Variants in NOS2 observed in about 807,000 individuals in gnomAD.
The protein encoded by NOS2 is nitric oxide synthase, inducible.
A neutral mutation model predicts 136.0 loss-of-function variants in NOS2; 96 were observed. That is an observed-to-expected ratio of 0.71 (90% CI 0.60 to 0.84). The LOEUF (loss-of-function observed/expected upper bound fraction) is 0.84, where lower values mean the gene tolerates loss of function less well. Among genes scored for constraint, NOS2 ranks in the 40% least tolerant of loss-of-function variants. The pLI is 0.00. For missense variants in NOS2, 1,237 were observed against 1,496.9 expected (o/e 0.83, Z 2.87); for synonymous variants, 539 against 587.5 (o/e 0.92, Z 1.20).
chr17:27,759,837 C>T (rs1362119435), intron 25 of NOS2, among the ~76,000 whole-genome samples, 193 bp downstream of exon 25: 1 of 152,178 alleles, frequency 6.6e-6, no homozygotes, highest in Non-Finnish European at 1.5e-5. Context: ...AGTCCTGAAC[C>T]TCTCCAGGTC....
chr17:27,788,699 A>G (rs1042750786), intron 4 of NOS2, 110 bp downstream of exon 4: 151 of 1,389,500 alleles, frequency 1.1e-4, no homozygotes, highest in Non-Finnish European at 1.8e-5. Context: ...CCCTTTGCCC[A>G]AGCAGATGAT....
chr17:27,782,024 C>T lies in NOS2; in HGVS notation c.713G>A (p.Gly238Asp), dbSNP rs1204812586. The T allele has an allele frequency of 6.2e-7, 1 of 1,614,028 alleles. No homozygotes were observed. Among genetic ancestry groups the T allele is most frequent in the Non-Finnish European group, 8.5e-7 (1 of 1,179,934 alleles). The change falls in exon 7 of 27, where the codon GGC (glycine) becomes GAC (aspartate). Residue 238 changes from glycine (G) to aspartate (D), a missense_variant. This residue lies in a region of NOS2 where 440 missense variants were observed against 545.4 expected (regional missense o/e 0.81). Coordinates refer to ENST00000313735, the MANE Select transcript of NOS2 (RefSeq NM_000625.4). ...CRHVRYSTNN[G>D]NIRSAITVFP... ...GGAAATGTGCACCGACCTGATGTTGCCATTGTTGGTGGAGTAACGCACGTG... is the reference window on the plus strand; with the variant it reads ...GGAAATGTGCACCGACCTGATGTTGTCATTGTTGGTGGAGTAACGCACGTG...
In NOS2 at chr17:27,798,682, C is replaced by G; in HGVS notation, c.110+18G>C. ...TGCCCAAGGAGACAAGCAGGAGGTT[C>G]CCCCAGGGAAAACTCACCTGGAGGT... On this transcript the variant is annotated intron_variant, in intron 2 of 26. Transcript: ENST00000313735. 6 of 1,517,052 alleles carry G rather than the reference C, an allele frequency of 4.0e-6. No homozygotes were observed. The highest frequency in any genetic ancestry group is 5.5e-6 in the Non-Finnish European group (6 of 1,091,498). The allele number at this position is 1,517,052 out of a possible 1,614,324, so 94.0% of individuals were successfully genotyped here.
chr17:27,787,961 A>C, intron 4 of NOS2, 135 bp from the exon 5 acceptor site: 1 of 861,278 alleles, frequency 1.2e-6, no homozygotes, highest in Non-Finnish European at 1.7e-6. Context: ...CCCCTGTGGC[A>C]CCTCCTCCTT....
At chr17:27,774,167 C>A in intron 12 of NOS2, 90 bp downstream of exon 12, 1 of 1,005,174 alleles carries the variant, frequency 9.9e-7, no homozygotes, top group Non-Finnish European at 1.3e-6. Flanking sequence ...CCGTCGTGCC[C>A]TACATGTGTA....
chr17:27,798,628 C>T (rs1909430769), intron 2 of NOS2, 72 bp downstream of exon 2: 4 of 892,552 alleles, frequency 4.5e-6, no homozygotes, highest in Non-Finnish European at 1.9e-6. Context: ...GAGAGGAATT[C>T]TGAGTCATCG....
chr17:27,781,581 G>GT (rs1908850914), intron 7 of NOS2, among the ~76,000 whole-genome samples: 1 of 152,202 alleles, frequency 6.6e-6, no homozygotes, highest in African/African-American at 2.4e-5. Context: ...CCTGTGTTGA[G>GT]TTGCATTAGG....
At chr17:27,795,649 T>C (rs557619270) in intron 2 of NOS2, among the ~76,000 whole-genome samples, 2 of 152,354 alleles carry the variant, frequency 1.3e-5, no homozygotes, top group South Asian at 2.1e-4. Flanking sequence ...TTGCTAATTA[T>C]GAGATCTTGA....
At chr17:27,798,630 G>T in intron 2 of NOS2, 70 bp downstream of exon 2, 1 of 900,902 alleles carries the variant, frequency 1.1e-6, no homozygotes, top group Non-Finnish European at 1.9e-6. Flanking sequence ...GAGGAATTCT[G>T]AGTCATCGGT....
At chr17:27,759,511 C>T (rs893039162) in intron 25 of NOS2, among the ~76,000 whole-genome samples, 15 of 152,166 alleles carry the variant, frequency 9.9e-5, no homozygotes, top group Non-Finnish European at 1.6e-4. Context: ...GGACTCTCTG[C>T]TCCTGCTCCA....
Position 27,785,425 on chromosome 17 carries a change from C to T in NOS2, c.467+2253G>A, listed in dbSNP as rs558317474. ...AGCAGGCAGCCCCTAACAGGCTGCT[C>T]AATCCAGGCTGTGCATTAGAATCAC... On this transcript the variant is annotated intron_variant, in intron 5 of 26. Transcript: ENST00000313735. 2.0e-5 allele frequency among the ~76,000 whole-genome samples: 3 copies of T among 152,260 alleles called. No individual in the cohort carries two copies. In the East Asian group the frequency reaches 5.8e-4, roughly 29 times the overall value.
In NOS2 at chr17:27,756,901, G is replaced by T; in HGVS notation, c.*345C>A. 7.2e-6 allele frequency: 2 copies of T among 277,110 alleles called. No homozygotes were observed. Among genetic ancestry groups the T allele is most frequent in the Non-Finnish European group, 1.3e-5 (2 of 150,096 alleles). 17.2% of individuals were successfully genotyped at this position (277,110 alleles called of 1,614,324 possible). On this transcript the variant is annotated 3_prime_UTR_variant, in exon 27 of 27. Coordinates refer to ENST00000313735, the MANE Select transcript of NOS2 (RefSeq NM_000625.4). ...GGCATAAATAACTGTACACAAGGCA[G>T]TTAAATACACAGTGGTGCGATAGCA... is the stretch of plus-strand genomic sequence containing the variant.
intron 9 of NOS2, 123 bp from the exon 10 acceptor site, chr17:27,779,179 C>A: frequency 3.0e-6 from 2 of 664,314 alleles, no homozygotes; most frequent in Non-Finnish European, 4.3e-6. Flanking sequence ...GTGGCACAAT[C>A]ATAACTCACT....
In NOS2 at chr17:27,798,872, T is replaced by A. The variant is rs1286520272; in HGVS notation, c.-63A>T. ...ATCTGGATTTGAGCTCAGATGTTCT[T>A]CACTGTGGGGCTGAAGAAGGGAAGC... On this transcript the variant is annotated 5_prime_UTR_variant, in exon 2 of 27. Coordinates refer to ENST00000313735, the MANE Select transcript of NOS2 (RefSeq NM_000625.4). The A allele has an allele frequency of 2.9e-6, 3 of 1,034,528 alleles. No homozygotes were observed. The highest frequency in any genetic ancestry group is 4.6e-6 in the Non-Finnish European group (3 of 652,502). The allele number at this position is 1,034,528 out of a possible 1,614,324, so 64.1% of individuals were successfully genotyped here. A position where few individuals can be genotyped will look rare whatever the true frequency, so the allele number is the denominator to read the frequency against.
chr17:27,778,427 T>C (rs564339868), intron 11 of NOS2, among the ~76,000 whole-genome samples: 60 of 152,126 alleles, frequency 3.9e-4, no homozygotes, highest in Non-Finnish European at 8.2e-4. Flanking sequence ...CTGCTGGGAA[T>C]GACTCAGCAG....
chr17:27,795,727 T>C (rs1909333551), intron 2 of NOS2, among the ~76,000 whole-genome samples: 1 of 152,222 alleles, frequency 6.6e-6, no homozygotes, highest in South Asian at 2.1e-4. Flanking sequence ...ATTCCTTCCT[T>C]GTGGATCGTT....
intron 1 of NOS2, among the ~76,000 whole-genome samples, chr17:27,799,840 G>T (rs1909477726): frequency 6.6e-6 from 1 of 151,204 alleles, no homozygotes; most frequent in Non-Finnish European, 1.5e-5. Flanking sequence ...AGGGAGGAAA[G>T]GACAGGAAGG....
At position 27,767,782 on chromosome 17, in the gene NOS2, A is replaced by G. The variant is rs185634308; in HGVS notation, c.2090T>C (p.Leu697Pro). ...GTCCCAGGTCACATTGGAGGTGTAG[A>G]GCTTGGGGATCTGAATGTGCTGTTT... ...RGKQHIQIPK[L>P]YTSNVTWDPH... is the part of the protein sequence containing the mutation. Residue 697 changes from leucine (L) to proline (P), a missense_variant, in exon 18 of 27, where the codon CTC becomes CCC. Leu to Pro is a moderately conservative substitution (Grantham distance 98). Coordinates refer to ENST00000313735, the MANE Select transcript of NOS2 (RefSeq NM_000625.4). The G allele has an allele frequency of 6.2e-7, 1 of 1,612,758 alleles. No individual in the cohort carries two copies. The highest frequency in any genetic ancestry group is 2.2e-5 in the East Asian group (1 of 44,882).
intron 14 of NOS2, among the ~76,000 whole-genome samples, chr17:27,771,799 AG>A (rs1340779171): frequency 1.3e-5 from 2 of 152,210 alleles, no homozygotes; most frequent in Non-Finnish European, 2.9e-5. Context: ...GAGCTCCCCA[AG>A]GGCAAGGCCT....
Sources: allele counts gnomAD v4.1 joint callset (sites outside exome capture counted in the v4.1 genomes callset), GRCh38; gene constraint gnomAD v4.1.1; regional missense constraint gnomAD v4.1.1; transcripts MANE v1.5; gene names NCBI Gene and HGNC (gene_info 2026-07-23, HGNC 2026-07-21).